The following SPOCK3 variants were observed in gnomAD, a reference collection of about 807,000 sequenced individuals.
SPOCK3 encodes the protein SPARC (osteonectin), cwcv and kazal like domains proteoglycan 3.
In SPOCK3, 30 loss-of-function variants were observed where a neutral mutation model predicts 56.6. That is an observed-to-expected ratio of 0.53 (90% CI 0.40 to 0.72). The LOEUF is 0.72. Ranked by LOEUF, SPOCK3 falls within the 30% of genes least tolerant of loss-of-function variation. The pLI, the probability that SPOCK3 is intolerant of heterozygous loss-of-function variation, is 0.00. For synonymous variants in SPOCK3, 196 were observed against 183.3 expected (o/e 1.07, Z -0.56); for missense variants, 527 against 530.0 (o/e 0.99, Z 0.06).
chr4:166,854,201 A>C (rs2126883651), intron 6 of SPOCK3, among the ~76,000 whole-genome samples: 1 of 152,316 alleles, frequency 6.6e-6, no homozygotes, highest in African/African-American at 2.4e-5. Flanking sequence ...TTAGAATGTT[A>C]GAATTTCATT....
At chr4:166,893,564 G>T (rs1381188449) in intron 5 of SPOCK3, among the ~76,000 whole-genome samples, 1 of 151,640 alleles carries the variant, frequency 6.6e-6, no homozygotes, top group African/African-American at 2.4e-5. Context: ...GTGAAGTTTA[G>T]AGAGCTTATG....
At chr4:166,896,980 A>G (rs1280105152) in intron 5 of SPOCK3, among the ~76,000 whole-genome samples, 2 of 151,846 alleles carry the variant, frequency 1.3e-5, no homozygotes, top group Non-Finnish European at 2.9e-5. Flanking sequence ...GAAAAGATTA[A>G]CTTTTTTTTC....
chr4:167,179,617 GC>G (rs1731277544), intron 2 of SPOCK3, among the ~76,000 whole-genome samples: 1 of 152,068 alleles, frequency 6.6e-6, no homozygotes, highest in Non-Finnish European at 1.5e-5. Flanking sequence ...TTAATGAACA[GC>G]CATGACAATC....
chr4:166,771,190 CATTTT>C (rs1738888637), intron 7 of SPOCK3, among the ~76,000 whole-genome samples: 2 of 151,372 alleles, frequency 1.3e-5, no homozygotes, highest in South Asian at 4.2e-4. Context: ...AAATTTATTT[CATTTT>C]ATATTTGTAG....
chr4:166,877,761 A>C (rs1733244971), intron 6 of SPOCK3, among the ~76,000 whole-genome samples: 1 of 152,186 alleles, frequency 6.6e-6, no homozygotes, highest in Non-Finnish European at 1.5e-5. Context: ...TTGTAGTAAC[A>C]ACTTCATTAC....
intron 6 of SPOCK3, among the ~76,000 whole-genome samples, chr4:166,875,577 C>T (rs1732987336): frequency 1.3e-5 from 2 of 151,926 alleles, no homozygotes; most frequent in Admixed American, 1.3e-4. Context: ...TTTACCATAC[C>T]CACACCCTCT....
At chr4:167,109,420 A>T (rs1397311462) in intron 2 of SPOCK3, among the ~76,000 whole-genome samples, 3 of 91,890 alleles carry the variant, frequency 3.3e-5, no homozygotes, top group South Asian at 3.0e-4. Context: ...TATATATATA[A>T]ATATATATAT....
At chr4:167,038,663 C>CAAAAAAAA (rs558863795) in intron 3 of SPOCK3, among the ~76,000 whole-genome samples, 4 of 107,986 alleles carry the variant, frequency 3.7e-5, no homozygotes, top group African/African-American at 6.3e-5. Context: ...TTATTTTTTC[C>CAAAAAAAA]AAAAAAAAAA....
At chr4:166,872,447 T>C (rs1355028640) in intron 6 of SPOCK3, among the ~76,000 whole-genome samples, 1 of 152,092 alleles carries the variant, frequency 6.6e-6, no homozygotes, top group East Asian at 1.9e-4. Context: ...AAACAAACTA[T>C]ACATATGGGT....
chr4:167,199,719 A>AATG, intron 2 of SPOCK3, among the ~76,000 whole-genome samples: 2 of 147,508 alleles, frequency 1.4e-5, no homozygotes, highest in Middle Eastern at 7.1e-3. Context: ...TAATAATAAT[A>AATG]ATAATAATAA....
intron 3 of SPOCK3, among the ~76,000 whole-genome samples, chr4:167,015,723 T>A (rs1750559681): frequency 6.6e-6 from 1 of 152,142 alleles, no homozygotes; most frequent in African/African-American, 2.4e-5. Context: ...TACTTAGGCG[T>A]GATTAGATTA....
chr4:167,053,118 T>C (rs796716649), intron 3 of SPOCK3, among the ~76,000 whole-genome samples: 4 of 152,226 alleles, frequency 2.6e-5, no homozygotes, highest in African/African-American at 9.6e-5. Flanking sequence ...GAAAAAATGA[T>C]GGGAGTCAGA....
chr4:167,030,302 C>G (rs768186103), intron 3 of SPOCK3, among the ~76,000 whole-genome samples: 1 of 151,824 alleles, frequency 6.6e-6, no homozygotes, highest in Non-Finnish European at 1.5e-5. Flanking sequence ...TTTTTTATAC[C>G]TGTTTTTATT....
intron 2 of SPOCK3, among the ~76,000 whole-genome samples, chr4:167,113,332 T>C (rs1761057939): frequency 6.6e-6 from 1 of 152,098 alleles, no homozygotes; most frequent in Non-Finnish European, 1.5e-5. Flanking sequence ...TATACATTTA[T>C]ATGAGTATGC....
chr4:166,931,973 T>A (rs1739839605), intron 4 of SPOCK3, among the ~76,000 whole-genome samples: 1 of 152,160 alleles, frequency 6.6e-6, no homozygotes, highest in Non-Finnish European at 1.5e-5. Context: ...TTCTACACAT[T>A]TAAAGTCCAT....
At chr4:167,100,442 G>A (rs1186575844) in intron 2 of SPOCK3, among the ~76,000 whole-genome samples, 1 of 144,412 alleles carries the variant, frequency 6.9e-6, no homozygotes, top group Admixed American at 6.9e-5. Flanking sequence ...CTTTCTCTCT[G>A]TCTCTCTCTC....
At chr4:166,979,651 CT>C (rs1478019840) in intron 4 of SPOCK3, among the ~76,000 whole-genome samples, 5 of 152,172 alleles carry the variant, frequency 3.3e-5, no homozygotes, top group African/African-American at 1.2e-4. Context: ...TCCTACTTCA[CT>C]GGTTGTTCCT....
At chr4:167,200,686 A>G (rs1316802309) in intron 2 of SPOCK3, among the ~76,000 whole-genome samples, 2 of 152,080 alleles carry the variant, frequency 1.3e-5, no homozygotes, top group Non-Finnish European at 2.9e-5. Context: ...CACCATCAAC[A>G]GGGCTCCCAC....
At chr4:167,220,010 T>C in intron 2 of SPOCK3, among the ~76,000 whole-genome samples, 1 of 152,274 alleles carries the variant, frequency 6.6e-6, no homozygotes, top group East Asian at 1.9e-4. Flanking sequence ...TTTTTTTAAG[T>C]CAATAACATT....
Sources: allele counts gnomAD v4.1 joint callset (sites outside exome capture counted in the v4.1 genomes callset), GRCh38; gene constraint gnomAD v4.1.1; transcripts MANE v1.5; gene names NCBI Gene and HGNC (gene_info 2026-07-23, HGNC 2026-07-21).